RANBP2: variants seen among roughly 807,000 people sequenced by gnomAD.
RANBP2 encodes RAN binding protein 2, also known as E3 SUMO-protein ligase RanBP2.
In RANBP2, 57 loss-of-function variants were observed where a neutral mutation model predicts 303.6. The ratio of observed to expected loss-of-function variants is 0.19; its 90% CI spans 0.15 to 0.23. The LOEUF (loss-of-function observed/expected upper bound fraction) is 0.23, where lower values mean the gene tolerates loss of function less well. Among genes scored for constraint, RANBP2 ranks in the 10% least tolerant of loss-of-function variants. The probability of loss-of-function intolerance (pLI) is 1.00; values close to 1 mark genes in which losing one functional copy is unlikely to be tolerated. For synonymous variants in RANBP2, 1,167 were observed against 1,301.5 expected, an observed-to-expected ratio of 0.90 and a Z score of 2.23; for missense variants, 3,138 against 3,780.8, an observed-to-expected ratio of 0.83 and a Z score of 4.46.
the RANBP2 span, among the ~76,000 whole-genome samples, chr2:108,890,232 C>CTTTTTTTTTTTTT: frequency 2.6e-5 from 3 of 114,698 alleles, no homozygotes; most frequent in African/African-American, 7.0e-5. Context: ...ATGGGGTTTT[C>CTTTTTTTTTTTTT]TTTTTTTTTT....
At chr2:108,781,936 G>A (rs1434857242) in intron 26 of RANBP2, among the ~76,000 whole-genome samples, 192 bp from the exon 27 acceptor site, 1 of 152,124 alleles carries the variant, frequency 6.6e-6, no homozygotes, top group East Asian at 1.9e-4. Flanking sequence ...AATGTTTAAT[G>A]ATAAATCAGG....
the RANBP2 span, among the ~76,000 whole-genome samples, chr2:109,643,897 C>T: frequency 1.1e-4 from 16 of 151,942 alleles, 2 homozygotes; most frequent in Admixed American, 7.2e-4. Flanking sequence ...CCTAGGCAGG[C>T]GGATCACGAG....
chr2:109,509,167 G>A, the RANBP2 span, among the ~76,000 whole-genome samples: 2 of 152,162 alleles, frequency 1.3e-5, no homozygotes, highest in East Asian at 3.9e-4. Flanking sequence ...TCTGGGCCCA[G>A]CACCAGGGTC....
At chr2:109,344,313 G>T in the RANBP2 span, among the ~76,000 whole-genome samples, 1 of 152,192 alleles carries the variant, frequency 6.6e-6, no homozygotes, top group Non-Finnish European at 1.5e-5. Flanking sequence ...GGGCACAGGT[G>T]GTGACGGGGG....
the RANBP2 span, among the ~76,000 whole-genome samples, chr2:109,064,237 A>T: frequency 0.025 from 3,763 of 152,156 alleles, 122 homozygotes; most frequent in African/African-American, 0.072. Context: ...TGGGATGCCG[A>T]GGTGGGCGGA....
At chr2:109,635,475 G>T in the RANBP2 span, among the ~76,000 whole-genome samples, 11 of 152,132 alleles carry the variant, frequency 7.2e-5, no homozygotes, top group Non-Finnish European at 1.5e-4. Context: ...GAGCCACTGC[G>T]CCCAGCTAGC....
chr2:108,936,353 C>T, the RANBP2 span, among the ~76,000 whole-genome samples: 6 of 152,260 alleles, frequency 3.9e-5, no homozygotes, highest in African/African-American at 1.2e-4. Context: ...GGGTTGACCG[C>T]ATCACGGACA....
chr2:109,635,651 G>A, the RANBP2 span, among the ~76,000 whole-genome samples: 6 of 152,202 alleles, frequency 3.9e-5, no homozygotes, highest in Non-Finnish European at 7.3e-5. Context: ...ACCCTACCTC[G>A]TCTCAGATGG....
At chr2:108,836,264 C>G in the RANBP2 span, among the ~76,000 whole-genome samples, 1 of 152,130 alleles carries the variant, frequency 6.6e-6, no homozygotes, top group African/African-American at 2.4e-5. Flanking sequence ...TAGTATTTGC[C>G]TTTTTGTGAC....
chr2:108,955,037 C>A, the RANBP2 span, among the ~76,000 whole-genome samples: 2 of 152,086 alleles, frequency 1.3e-5, no homozygotes, highest in African/African-American at 4.8e-5. Flanking sequence ...ACTGGCACAT[C>A]TCCCTGAGGG....
At chr2:108,722,891 CAAAAAAGA>C (rs1476334313) in intron 1 of RANBP2, among the ~76,000 whole-genome samples, 5 of 149,296 alleles carry the variant, frequency 3.3e-5, no homozygotes, top group South Asian at 2.1e-4. Flanking sequence ...ACTCTGTCTC[CAAAAAAGA>C]AAAAAAGAAA....
chr2:109,695,513 C>T, the RANBP2 span, among the ~76,000 whole-genome samples: 4 of 152,314 alleles, frequency 2.6e-5, no homozygotes, highest in South Asian at 8.3e-4. Context: ...AACATGGAAC[C>T]AGCAGGTGCT....
At chr2:109,047,857 A>C in the RANBP2 span, among the ~76,000 whole-genome samples, 1 of 152,222 alleles carries the variant, frequency 6.6e-6, no homozygotes, top group South Asian at 2.1e-4. Context: ...TTTACCTCAA[A>C]TCACATAGTG....
At chr2:109,230,684 G>GT in the RANBP2 span, among the ~76,000 whole-genome samples, 1 of 152,186 alleles carries the variant, frequency 6.6e-6, no homozygotes, top group Non-Finnish European at 1.5e-5. Context: ...TCAGAAAATC[G>GT]TAAGTCGGGG....
At chr2:108,734,906 A>AG (rs1208790350) in intron 4 of RANBP2, among the ~76,000 whole-genome samples, 2 of 152,130 alleles carry the variant, frequency 1.3e-5, no homozygotes, top group African/African-American at 4.8e-5. Context: ...GTTAAAAAAA[A>AG]ATTAGCCGGG....
the RANBP2 span, among the ~76,000 whole-genome samples, chr2:109,204,481 C>T: frequency 3.3e-5 from 5 of 152,168 alleles, no homozygotes; most frequent in Non-Finnish European, 5.9e-5. Flanking sequence ...TTGTTATGCC[C>T]CTCCAATCTC....
the RANBP2 span, among the ~76,000 whole-genome samples, chr2:109,137,745 A>T: frequency 6.6e-6 from 1 of 152,212 alleles, no homozygotes; most frequent in Non-Finnish European, 1.5e-5. Flanking sequence ...ATTAGACACC[A>T]CCCGTCCTGA....
At chr2:109,232,255 C>A in the RANBP2 span, among the ~76,000 whole-genome samples, 6 of 152,320 alleles carry the variant, frequency 3.9e-5, no homozygotes, top group South Asian at 1.2e-3. Context: ...TTACAGTTCC[C>A]CATATCCTTG....
At chr2:109,555,089 C>T in the RANBP2 span, among the ~76,000 whole-genome samples, 2 of 152,194 alleles carry the variant, frequency 1.3e-5, no homozygotes, top group Non-Finnish European at 2.9e-5. Context: ...CTCTGAGCTT[C>T]TAGTTCCTCT....
Sources: allele counts gnomAD v4.1 joint callset (sites outside exome capture counted in the v4.1 genomes callset), GRCh38; gene constraint gnomAD v4.1.1; transcripts MANE v1.5; gene names NCBI Gene and HGNC (gene_info 2026-07-23, HGNC 2026-07-21).